PDE6B: variants seen among roughly 807,000 people sequenced by gnomAD.
PDE6B encodes the protein phosphodiesterase 6B.
Under a neutral mutation model 109.0 loss-of-function variants are expected in PDE6B, and 106 were observed. The observed-to-expected ratio is 0.97, with a 90% confidence interval of 0.83 to 1.14. The LOEUF is 1.14. PDE6B is among the 50% of genes most tolerant of loss of function. The pLI is 0.00. For missense variants in PDE6B, 1,193 were observed against 1,155.6 expected (o/e 1.03, Z -0.47); for synonymous variants, 490 against 471.3 (o/e 1.04, Z -0.51).
intron 8 of PDE6B, 63 bp downstream of exon 8, chr4:656,355 G>C: frequency 1.8e-6 from 2 of 1,098,796 alleles, no homozygotes; most frequent in South Asian, 2.5e-5. Flanking sequence ...TTGATTCAGC[G>C]ATGATGAAGT....
chr4:653,781 C>A, intron 3 of PDE6B, 71 bp from the exon 4 acceptor site: 1 of 1,549,922 alleles, frequency 6.5e-7, no homozygotes, highest in South Asian at 1.1e-5. Flanking sequence ...GAGTTAAACC[C>A]CTGCTGCTGT....
intron 20 of PDE6B, among the ~76,000 whole-genome samples, chr4:667,454 G>A (rs988748660): frequency 1.3e-5 from 2 of 152,208 alleles, no homozygotes; most frequent in African/African-American, 4.8e-5. Flanking sequence ...ATGTGCGCGA[G>A]TGCACGCGTG....
intron 12 of PDE6B, chr4:661,519 C>A (rs1185189113): frequency 6.5e-6 from 1 of 153,752 alleles, no homozygotes; most frequent in Admixed American, 6.4e-5. Flanking sequence ...TTTCTCATGC[C>A]CCTCTGAGAA....
rs766851759 is a variant in PDE6B at position 666,614 on chromosome 4, G to A, written c.2352G>A (p.Lys784=). The part of the protein sequence containing the change: ...FIDFVCTFVY[K]EFSRFHEEIL... Reference sequence around the variant, plus strand: ...ACTTCGTGTGCACATTCGTGTACAAGGCGAGTGGTTCACGGGTGTTCCGAG... The same window carrying A: ...ACTTCGTGTGCACATTCGTGTACAAAGCGAGTGGTTCACGGGTGTTCCGAG... Residue 784 remains lysine (K), a splice_region_variant and synonymous_variant, in exon 20 of 22, where the codon AAG becomes AAA. Transcript: ENST00000496514. The surrounding 1 kb of genome is among the most constrained non-coding windows in gnomAD (Gnocchi z 5.6). 16 of 1,605,136 alleles carry A rather than the reference G, an allele frequency of 1.0e-5. No homozygotes were observed. Among genetic ancestry groups the A allele is most frequent in the East Asian group, 2.2e-5 (1 of 44,828 alleles).
At chr4:654,568 G>A (rs866780041) in intron 5 of PDE6B, 15 of 610,696 alleles carry the variant, frequency 2.5e-5, no homozygotes, top group East Asian at 5.6e-5. Context: ...TGCGTGTCCC[G>A]TGAGTATTGG....
In PDE6B at chr4:660,396, A is replaced by G. The variant is rs1035507997; in HGVS notation, c.1468-71A>G. ...CTGAGGCTTGGCAGGGGATCTGGAG[A>G]GAAGAAAGGATGAGAAGCAAGTGGG... On this transcript the variant is annotated intron_variant, in intron 11 of 21. Coordinates refer to ENST00000496514, the MANE Select transcript of PDE6B (RefSeq NM_000283.4). 8 of 1,477,346 alleles carry G rather than the reference A, an allele frequency of 5.4e-6. No individual in the cohort carries two copies. In the Admixed American group the frequency reaches 1.3e-4, roughly 25 times the overall value. The allele number at this position is 1,477,346 out of a possible 1,614,324, so 91.5% of individuals were successfully genotyped here.
Position 670,298 on chromosome 4 carries a change from C to T in PDE6B, c.*191C>T, listed in dbSNP as rs111449765. 2.3e-5 allele frequency: 17 copies of T among 748,356 alleles called. No homozygotes were observed. Among genetic ancestry groups the T allele is most frequent in the South Asian group, 2.1e-4 (11 of 53,228 alleles). 46.4% of individuals were successfully genotyped at this position (748,356 alleles called of 1,614,324 possible). On this transcript the variant is annotated 3_prime_UTR_variant, in exon 22 of 22. Coordinates refer to ENST00000496514, the MANE Select transcript of PDE6B (RefSeq NM_000283.4). ...TGCTCTGTCACCCAGGCTGGAGTGC[C>T]GTGGCACGATCTCAGCTCACTGCAA...
Position 657,040 on chromosome 4 carries a change from A to T in PDE6B, c.1257+17A>T. 6.2e-7 allele frequency: 1 copy of T among 1,611,756 alleles called. No homozygotes were observed. On this transcript the variant is annotated intron_variant, in intron 9 of 21. Coordinates refer to ENST00000496514, the MANE Select transcript of PDE6B (RefSeq NM_000283.4). ...CTCATGGAGGTAAGCACCTGGGCAG[A>T]CGTGGTTCCGCCGGGGATGCCCTGC...
Position 626,050 on chromosome 4 carries a change from G to A in PDE6B, c.424G>A (p.Val142Met), listed in dbSNP as rs370159647. The change falls in exon 1 of 22, where the codon GTG becomes ATG. Residue 142 changes from valine to methionine, a missense_variant. Val to Met is a conservative substitution (Grantham distance 21). Coordinates refer to ENST00000496514, the MANE Select transcript of PDE6B (RefSeq NM_000283.4). This position sits in a 1 kb window ranked among gnomAD's most constrained non-coding sequence, Gnocchi z 4.6. ...ACTGGACATCGGGGTCGTGGGCCACGTGGCTCAGACCAAAAAGATGGTGAA... is the reference window on the plus strand; with the variant it reads ...ACTGGACATCGGGGTCGTGGGCCACATGGCTCAGACCAAAAAGATGGTGAA... ...FPLDIGVVGHVAQTKKMVNVE... is the reference protein window; with the variant it reads ...FPLDIGVVGHMAQTKKMVNVE... 28 of 1,596,098 alleles carry A rather than the reference G, an allele frequency of 1.8e-5. No individual in the cohort carries two copies. The East Asian group carries it at 2.0e-4, about 12-fold the overall frequency.
At chr4:649,284 G>A (rs1406358119) in intron 3 of PDE6B, among the ~76,000 whole-genome samples, 2 of 152,170 alleles carry the variant, frequency 1.3e-5, no homozygotes, top group East Asian at 3.9e-4. Context: ...TATGTTTAAT[G>A]GCTGGCTCTC....
At chr4:660,358 A>G in intron 11 of PDE6B, 109 bp from the exon 12 acceptor site, 1 of 1,104,718 alleles carries the variant, frequency 9.1e-7, no homozygotes, top group Non-Finnish European at 1.4e-6. Flanking sequence ...CTCCTCAGAG[A>G]TGCCTGAGGT....
At position 636,292 on chromosome 4, in the gene PDE6B, A is replaced by T. The variant is rs375444694; in HGVS notation, c.711+323A>T. Among the ~76,000 whole-genome samples, 205 of 152,312 alleles carry T rather than the reference A, an allele frequency of 1.3e-3. 1 individual carries two copies. The highest frequency in any genetic ancestry group is 2.3e-3 in the Non-Finnish European group (158 of 68,012). The stretch of plus-strand genomic sequence containing the variant: ...TATGAGTGACGAGTGAGCAGGGAGC[A>T]GAGGGGCTCCCTGGCAGGTCCAGCC... On this transcript the variant is annotated intron_variant, in intron 3 of 21. Transcript: ENST00000496514. The surrounding 1 kb of genome is among the most constrained non-coding windows in gnomAD (Gnocchi z 4.5).
rs1234792545 is a variant in PDE6B at position 636,398 on chromosome 4, G to T, written c.711+429G>T. ...GGCAGGTCCGGCCCTGGCTGAGAGA[G>T]GGTACGGGGGCAGGTCTGGCCCTGG... On this transcript the variant is annotated intron_variant, in intron 3 of 21. Transcript: ENST00000496514. The surrounding 1 kb of genome is among the most constrained non-coding windows in gnomAD (Gnocchi z 4.5). 6.6e-6 allele frequency among the ~76,000 whole-genome samples: 1 copy of T among 152,116 alleles called. No homozygotes were observed. The highest frequency in any genetic ancestry group is 2.4e-5 in the African/African-American group (1 of 41,436).
chr4:649,344 G>T (rs1735377174), intron 3 of PDE6B, among the ~76,000 whole-genome samples: 1 of 152,178 alleles, frequency 6.6e-6, no homozygotes, highest in South Asian at 2.1e-4. Flanking sequence ...ACCATGAGAT[G>T]AAGCCCTCTG....
chr4:654,943 C>A, intron 6 of PDE6B, 55 bp downstream of exon 6: 1 of 995,544 alleles, frequency 1.0e-6, no homozygotes, highest in Non-Finnish European at 1.6e-6. Context: ...CCCCTCAGAC[C>A]CCGGCTCAGC....
At chr4:658,017 G>A (rs551132138) in intron 10 of PDE6B, among the ~76,000 whole-genome samples, 150 of 142,374 alleles carry the variant, frequency 1.1e-3, no homozygotes, top group Non-Finnish European at 1.7e-3. Flanking sequence ...GCTGTGCGGT[G>A]GGGGCAGGTC....
intron 3 of PDE6B, among the ~76,000 whole-genome samples, chr4:639,990 T>C (rs1182159654): frequency 6.6e-6 from 1 of 151,370 alleles, no homozygotes; most frequent in Non-Finnish European, 1.5e-5. Context: ...AGAGCGAGAC[T>C]CCATCTCCAA....
At chr4:630,626 C>T (rs887375086) in intron 1 of PDE6B, among the ~76,000 whole-genome samples, 1 of 152,210 alleles carries the variant, frequency 6.6e-6, no homozygotes, top group African/African-American at 2.4e-5. Context: ...GGGCCAGCTG[C>T]TCGCAGAAGC....
intron 6 of PDE6B, 187 bp downstream of exon 6, chr4:655,075 G>A (rs925385125): frequency 6.4e-6 from 4 of 625,416 alleles, no homozygotes; most frequent in South Asian, 1.8e-5. Flanking sequence ...GACAGAAGCC[G>A]ACTCACTGTT....
Sources: allele counts gnomAD v4.1 joint callset (sites outside exome capture counted in the v4.1 genomes callset), GRCh38; gene constraint gnomAD v4.1.1; non-coding constraint Gnocchi (gnomAD v3.1); transcripts MANE v1.5; gene names NCBI Gene and HGNC (gene_info 2026-07-23, HGNC 2026-07-21).